Variants in ATP2B4 observed in about 807,000 individuals in gnomAD.
ATP2B4 encodes the protein ATPase plasma membrane Ca2+ transporting 4.
A neutral mutation model predicts 110.3 loss-of-function variants in ATP2B4; 39 were observed. The observed-to-expected ratio is 0.35, with a 90% confidence interval of 0.27 to 0.46. The LOEUF is 0.46. Among genes scored for constraint, ATP2B4 ranks in the 20% least tolerant of loss-of-function variants. ATP2B4 has a pLI of 1.00. For missense variants in ATP2B4, 1,135 were observed against 1,530.9 expected (o/e 0.74, Z 4.32); for synonymous variants, 538 against 571.7 (o/e 0.94, Z 0.84).
intron 20 of ATP2B4, among the ~76,000 whole-genome samples, chr1:203,733,014 G>C (rs1255379067): frequency 6.6e-6 from 1 of 152,178 alleles, no homozygotes; most frequent in African/African-American, 2.4e-5. Flanking sequence ...TGTTCCCTAA[G>C]TGAAGTATGA....
At chr1:203,674,228 T>C (rs1664760069) in intron 1 of ATP2B4, among the ~76,000 whole-genome samples, 1 of 152,188 alleles carries the variant, frequency 6.6e-6, no homozygotes, top group African/African-American at 2.4e-5. Flanking sequence ...ACCTTCCAGA[T>C]GGCATTGTCA....
At chr1:203,717,625 A>T (rs1390313576) in intron 15 of ATP2B4, among the ~76,000 whole-genome samples, 6 of 86,778 alleles carry the variant, frequency 6.9e-5, no homozygotes, top group Non-Finnish European at 1.2e-4. Flanking sequence ...AATGGTATTT[A>T]TTTTATTTAT....
At chr1:203,670,470 C>T (rs1013444738) in intron 1 of ATP2B4, among the ~76,000 whole-genome samples, 4 of 152,196 alleles carry the variant, frequency 2.6e-5, no homozygotes, top group Non-Finnish European at 5.9e-5. Context: ...TGAGCCACTG[C>T]GCCCGGCCGA....
chr1:203,664,022 G>A (rs1451585148), intron 1 of ATP2B4, among the ~76,000 whole-genome samples: 2 of 152,154 alleles, frequency 1.3e-5, no homozygotes, highest in African/African-American at 4.8e-5. Flanking sequence ...AAGACCATAT[G>A]CTCTAAAATC....
chr1:203,681,212 G>A (rs1021327752), intron 1 of ATP2B4, among the ~76,000 whole-genome samples: 4 of 152,182 alleles, frequency 2.6e-5, no homozygotes, highest in African/African-American at 9.7e-5. Context: ...ATGTGGCGAG[G>A]AGGACGCAAA....
chr1:203,702,776 G>C (rs1414333618), intron 7 of ATP2B4, among the ~76,000 whole-genome samples: 1 of 152,222 alleles, frequency 6.6e-6, no homozygotes, highest in Non-Finnish European at 1.5e-5. Context: ...GTGGTGCTGG[G>C]AGCCAGCAAG....
chr1:203,728,278 A>G (rs146222233), intron 20 of ATP2B4: 12 of 422,010 alleles, frequency 2.8e-5, no homozygotes, highest in African/African-American at 2.5e-4. Flanking sequence ...TCCCCTGTCT[A>G]TAGCCCCACA....
At chr1:203,698,640 A>AATTATT (rs935046422) in intron 3 of ATP2B4, among the ~76,000 whole-genome samples, 1 of 150,014 alleles carries the variant, frequency 6.7e-6, no homozygotes, top group Non-Finnish European at 1.5e-5. Flanking sequence ...TTTATTTATT[A>AATTATT]ATTATTATTA....
At chr1:203,723,770 T>C (rs1666419511) in intron 18 of ATP2B4, 111 bp from the exon 19 acceptor site, 1 of 809,046 alleles carries the variant, frequency 1.2e-6, no homozygotes, top group Admixed American at 2.8e-5. Context: ...TCGGGACTTG[T>C]ACCCAAGGAT....
At position 203,641,581 on chromosome 1, in the gene ATP2B4, A is replaced by G. The variant is rs142051972; in HGVS notation, c.-465+14362A>G. On this transcript the variant is annotated intron_variant, in intron 1 of 20. Coordinates refer to ENST00000357681, the MANE Select transcript of ATP2B4 (RefSeq NM_001684.5). ...ATTCAGCTGGGACTGGAAAAATAGT[A>G]CTAACCATTTTTGAACCCTGCTTTG... is the stretch of plus-strand genomic sequence containing the variant. Among the ~76,000 whole-genome samples the G allele has an allele frequency of 2.8e-3, 424 of 152,312 alleles. 2 individuals carry two copies. The East Asian group carries it at 0.042, about 15-fold the overall frequency.
intron 1 of ATP2B4, among the ~76,000 whole-genome samples, chr1:203,665,106 A>G (rs112300061): frequency 0.01 from 1,585 of 152,248 alleles, 20 homozygotes; most frequent in African/African-American, 0.031. Flanking sequence ...GGCGTGAGCC[A>G]CCGCACCCGG....
chr1:203,652,044 GAGA>G (rs1664012660), intron 1 of ATP2B4, among the ~76,000 whole-genome samples: 1 of 124,442 alleles, frequency 8.0e-6, no homozygotes, highest in Non-Finnish European at 1.8e-5. Flanking sequence ...GTGACAGAGC[GAGA>G]CTCTGTCTCA....
At position 203,744,052 on chromosome 1, in the gene ATP2B4, C is replaced by T. The variant is rs1321056794; in HGVS notation, c.*4198C>T. ...GAACAGAAACCAATACTGCTGTGCA[C>T]TGAGAATAAAAACTCATGCCCACTT... On this transcript the variant is annotated 3_prime_UTR_variant, in exon 21 of 21. Coordinates refer to ENST00000357681, the MANE Select transcript of ATP2B4 (RefSeq NM_001684.5). 1 of 152,648 alleles carries T rather than the reference C, an allele frequency of 6.6e-6. No individual in the cohort carries two copies. The highest frequency in any genetic ancestry group is 1.5e-5 in the Non-Finnish European group (1 of 68,052). 9.5% of individuals were successfully genotyped at this position (152,648 alleles called of 1,614,324 possible).
At position 203,700,893 on chromosome 1, in the gene ATP2B4, G is replaced by A. The variant is rs1489040298; in HGVS notation, c.871G>A (p.Glu291Lys). The change falls in exon 6 of 21, where the codon GAG becomes AAG. Residue 291 changes from glutamate to lysine, a missense_variant. Glu to Lys is a moderately conservative substitution (Grantham distance 56, BLOSUM62 1). This residue lies in a region of ATP2B4 where 162 missense variants were observed against 210.5 expected (regional missense o/e 0.77). Coordinates refer to ENST00000357681, the MANE Select transcript of ATP2B4 (RefSeq NM_001684.5). The stretch of plus-strand genomic sequence containing the variant: ...CATCCTTACTCTCTTGGGGGTCAAT[G>A]AGGATGACGAAGGGGAGAAAAAGAA... ...GIILTLLGVN[E>K]DDEGEKKKKG... 4.3e-6 allele frequency: 7 copies of A among 1,613,586 alleles called. No homozygotes were observed. In the African/African-American group the frequency reaches 6.7e-5, roughly 15 times the overall value.
At chr1:203,724,344 C>A (rs565333160) in intron 19 of ATP2B4, among the ~76,000 whole-genome samples, 1 of 152,018 alleles carries the variant, frequency 6.6e-6, no homozygotes, top group South Asian at 2.1e-4. Context: ...GGTGAAACCC[C>A]GTCTCTACTA....
chr1:203,721,047 C>T, intron 16 of ATP2B4, 150 bp from the exon 17 acceptor site: 3 of 845,108 alleles, frequency 3.5e-6, no homozygotes, highest in Middle Eastern at 3.1e-4. Flanking sequence ...ACTTGAGGCT[C>T]AAGGAAGTTA....
intron 1 of ATP2B4, among the ~76,000 whole-genome samples, chr1:203,639,345 A>G (rs1050914402): frequency 2.0e-5 from 3 of 152,208 alleles, no homozygotes; most frequent in Admixed American, 2.0e-4. Flanking sequence ...TATGCCAAGC[A>G]CTATGTTAAG....
At chr1:203,706,217 TG>T (rs1255059450) in intron 8 of ATP2B4, among the ~76,000 whole-genome samples, 1 of 152,136 alleles carries the variant, frequency 6.6e-6, no homozygotes, top group East Asian at 1.9e-4. Context: ...CCAGTTTGCT[TG>T]GGATTTTCTC....
At position 203,707,081 on chromosome 1, in the gene ATP2B4, G is replaced by T. The variant is rs761844132; in HGVS notation, c.1172G>T (p.Arg391Leu). 3.7e-6 allele frequency: 6 copies of T among 1,613,880 alleles called. No homozygotes were observed. Among genetic ancestry groups the T allele is most frequent in the East Asian group, 4.5e-5 (2 of 44,876 alleles). ...YFVIDNFVINRRPWLPECTPI... is the reference protein window; with the variant it reads ...YFVIDNFVINLRPWLPECTPI... Reference sequence around the variant, plus strand: ...GTGATTGACAACTTTGTGATAAATCGCAGACCATGGCTCCCTGAGTGTACT... The same window carrying T: ...GTGATTGACAACTTTGTGATAAATCTCAGACCATGGCTCCCTGAGTGTACT... The change falls in exon 9 of 21, where the codon CGC becomes CTC. Residue 391 changes from arginine (R) to leucine (L), a missense_variant. Coordinates refer to ENST00000357681, the MANE Select transcript of ATP2B4 (RefSeq NM_001684.5).
Sources: allele counts gnomAD v4.1 joint callset (sites outside exome capture counted in the v4.1 genomes callset), GRCh38; gene constraint gnomAD v4.1.1; regional missense constraint gnomAD v4.1.1; transcripts MANE v1.5; gene names NCBI Gene and HGNC (gene_info 2026-07-23, HGNC 2026-07-21).